The following CDH7 variants were observed in gnomAD, a reference collection of about 807,000 sequenced individuals.
CDH7 encodes the protein cadherin-7.
In CDH7, 25 loss-of-function variants were observed where a neutral mutation model predicts 71.8. The ratio of observed to expected loss-of-function variants is 0.35; its 90% CI spans 0.25 to 0.49. The LOEUF (loss-of-function observed/expected upper bound fraction) is 0.49. Among genes scored for constraint, CDH7 ranks in the 20% least tolerant of loss-of-function variants. The probability of loss-of-function intolerance (pLI) is 0.99; values close to 1 mark genes in which losing one functional copy is unlikely to be tolerated. For synonymous variants in CDH7, 381 were observed against 363.8 expected (o/e 1.05, Z -0.54); for missense variants, 862 against 974.6 (o/e 0.88, Z 1.54).
chr18:65,858,612 A>G (rs1044634380), intron 8 of CDH7, among the ~76,000 whole-genome samples: 11 of 152,038 alleles, frequency 7.2e-5, no homozygotes, highest in African/African-American at 2.7e-4. Flanking sequence ...ATACATTTAT[A>G]TATATGCATG....
chr18:65,772,810 A>G (rs1026996731), intron 2 of CDH7, among the ~76,000 whole-genome samples: 2 of 152,154 alleles, frequency 1.3e-5, no homozygotes, highest in Non-Finnish European at 2.9e-5. Context: ...TAGACTGATG[A>G]TGGAAAATAC....
In CDH7 at chr18:65,782,057, CCT is replaced by C. The variant is rs1568182291; in HGVS notation, c.210+19006_210+19007del. Among the ~76,000 whole-genome samples the C allele has an allele frequency of 3.6e-4, 19 of 52,264 alleles. 4 individuals are homozygous for C. Among genetic ancestry groups the C allele is most frequent in the Admixed American group, 5.6e-4 (3 of 5,328 alleles). 34.3% of individuals were successfully genotyped at this position (52,264 alleles called of 152,430 possible). On this transcript the variant is annotated intron_variant, in intron 2 of 11. Coordinates refer to ENST00000397968, the MANE Select transcript of CDH7 (RefSeq NM_004361.5). ...TCCTTCCTTCCTTCCTTCCTTCCTT[CCT>C]TCCTTTCTTTCTTTCTTTCTTTCCT... is the stretch of plus-strand genomic sequence containing the variant.
At chr18:65,841,210 T>C (rs1057191799) in intron 6 of CDH7, among the ~76,000 whole-genome samples, 3 of 152,188 alleles carry the variant, frequency 2.0e-5, no homozygotes, top group Non-Finnish European at 4.4e-5. Context: ...CATAATAGTG[T>C]GTTTTTTCAT....
At chr18:65,777,480 G>A (rs1484725) in intron 2 of CDH7, among the ~76,000 whole-genome samples, 54,173 of 151,464 alleles carry the variant, frequency 0.36, 10,208 homozygotes, top group Middle Eastern at 0.46. Context: ...CTCCAAACGC[G>A]AAGCAAATTT....
chr18:65,785,087 A>G (rs1568184176), intron 2 of CDH7, among the ~76,000 whole-genome samples: 2 of 152,168 alleles, frequency 1.3e-5, no homozygotes, highest in Non-Finnish European at 2.9e-5. Flanking sequence ...AAGTTTGGTT[A>G]ACTTATTGCG....
chr18:65,799,465 CAGG>C (rs1911036591), intron 2 of CDH7, among the ~76,000 whole-genome samples: 1 of 152,054 alleles, frequency 6.6e-6, no homozygotes, highest in Admixed American at 6.5e-5. Flanking sequence ...ATCACGAGGT[CAGG>C]AGATCGAGAC....
At position 65,778,529 on chromosome 18, in the gene CDH7, C is replaced by CTT. The variant is rs1156727313; in HGVS notation, c.210+15496_210+15497dup. On this transcript the variant is annotated intron_variant, in intron 2 of 11. Coordinates refer to ENST00000397968, the MANE Select transcript of CDH7 (RefSeq NM_004361.5). ...AATTTTTTGCCCCAGGCGTCTCACTCTTTTTTTTTTTTTTTTTTTTACATA... is the reference window on the plus strand; with the variant it reads ...AATTTTTTGCCCCAGGCGTCTCACTCTTTTTTTTTTTTTTTTTTTTTTACATA... Among the ~76,000 whole-genome samples the CTT allele has an allele frequency of 5.2e-3, 441 of 84,312 alleles. 13 individuals carry two copies. The highest frequency in any genetic ancestry group is 5.0e-3 in the Non-Finnish European group (210 of 42,324). 55.3% of individuals were successfully genotyped at this position (84,312 alleles called of 152,430 possible). A position where few individuals can be genotyped will look rare whatever the true frequency, so the allele number is the denominator to read the frequency against.
At chr18:65,790,337 A>G (rs143696861) in intron 2 of CDH7, among the ~76,000 whole-genome samples, 254 of 151,980 alleles carry the variant, frequency 1.7e-3, no homozygotes, top group African/African-American at 5.9e-3. Flanking sequence ...AATTGAACCT[A>G]GTTGATGGTG....
rs752759116 is a variant in CDH7 at position 65,814,578 on chromosome 18, C to G, written c.599C>G (p.Pro200Arg). Residue 200 changes from proline to arginine, a missense_variant, in exon 4 of 12, where the codon CCG becomes CGG. Coordinates refer to ENST00000397968, the MANE Select transcript of CDH7 (RefSeq NM_004361.5). ...RVVYSILQGQPYFSVEPKTGV... is the reference protein window; with the variant it reads ...RVVYSILQGQRYFSVEPKTGV... The stretch of plus-strand genomic sequence containing the variant: ...GTCTACAGTATTCTGCAAGGACAGC[C>G]GTACTTCTCAGTGGAGCCAAAGACA... 6.2e-7 allele frequency: 1 copy of G among 1,612,990 alleles called. No homozygotes were observed. Among genetic ancestry groups the G allele is most frequent in the East Asian group, 2.2e-5 (1 of 44,830 alleles).
chr18:65,823,778 C>T (rs1568204945), intron 5 of CDH7, among the ~76,000 whole-genome samples: 1 of 151,606 alleles, frequency 6.6e-6, no homozygotes, highest in Admixed American at 6.6e-5. Flanking sequence ...CTTATCCCTT[C>T]ACAAGACAGG....
At chr18:65,827,532 C>G (rs953978331) in intron 6 of CDH7, among the ~76,000 whole-genome samples, 1 of 151,812 alleles carries the variant, frequency 6.6e-6, no homozygotes, top group African/African-American at 2.4e-5. Flanking sequence ...ATGTTGAATG[C>G]TAACATGATT....
At chr18:65,809,622 T>A (rs886366107) in intron 2 of CDH7, 82 bp from the exon 3 acceptor site, 5 of 1,183,602 alleles carry the variant, frequency 4.2e-6, no homozygotes, top group South Asian at 1.4e-5. Flanking sequence ...TACTCCTGCC[T>A]GACATAAGAA....
chr18:65,765,058 G>A (rs891884587), intron 2 of CDH7, among the ~76,000 whole-genome samples: 3 of 152,004 alleles, frequency 2.0e-5, no homozygotes, highest in Non-Finnish European at 2.9e-5. Flanking sequence ...AATCAAAGAA[G>A]GTCACTTATA....
chr18:65,778,529 C>CTTTTTTTTTTTTTTTTTTTTTTTT (rs1156727313), intron 2 of CDH7, among the ~76,000 whole-genome samples: 12 of 84,318 alleles, frequency 1.4e-4, no homozygotes, highest in Non-Finnish European at 1.7e-4. Context: ...GCGTCTCACT[C>CTTTTTTTTTTTTTTTTTTTTTTTT]TTTTTTTTTT....
chr18:65,846,412 AATAG>A (rs1468822384), intron 7 of CDH7, among the ~76,000 whole-genome samples: 2 of 152,198 alleles, frequency 1.3e-5, no homozygotes, highest in Non-Finnish European at 1.5e-5. Context: ...CAAATAGAGA[AATAG>A]ATAGACTTTG....
At chr18:65,805,488 A>G (rs975324482) in intron 2 of CDH7, among the ~76,000 whole-genome samples, 16 of 152,230 alleles carry the variant, frequency 1.1e-4, no homozygotes, top group African/African-American at 3.9e-4. Context: ...AAGCAATTAA[A>G]TATATTTGGT....
Position 65,881,111 on chromosome 18 carries a change from ACT to A in CDH7, c.*220_*221del, listed in dbSNP as rs1914218099. The A allele has an allele frequency of 1.2e-5, 5 of 430,642 alleles. No individual in the cohort carries two copies. The highest frequency in any genetic ancestry group is 7.3e-5 in the East Asian group (2 of 27,384). 26.7% of individuals were successfully genotyped at this position (430,642 alleles called of 1,614,324 possible). On this transcript the variant is annotated 3_prime_UTR_variant, in exon 12 of 12. Transcript: ENST00000397968. Reference sequence around the variant, plus strand: ...ATCTAAAGGACTGCACTGACCACAGACTCTGAGCATTTGAAGGTTTTTTGATA... The same window carrying A: ...ATCTAAAGGACTGCACTGACCACAGACTGAGCATTTGAAGGTTTTTTGATA...
rs138231924 is a variant in CDH7 at position 65,823,225 on chromosome 18, T to C, written c.793+977T>C. On this transcript the variant is annotated intron_variant, in intron 5 of 11. Transcript: ENST00000397968. The stretch of plus-strand genomic sequence containing the variant: ...ATTTATATTATTATACAAGAAATGG[T>C]ATCTCCTGGTAATATAAAAAAGTGA... Among the ~76,000 whole-genome samples, 380 of 152,058 alleles carry C rather than the reference T, an allele frequency of 2.5e-3. 3 individuals carry two copies. The highest frequency in any genetic ancestry group is 8.7e-3 in the African/African-American group (361 of 41,528).
At position 65,812,311 on chromosome 18, in the gene CDH7, A is replaced by G. The variant is rs1911573539; in HGVS notation, c.506-2174A>G. ...TTTAAGTTATATACTTGGCTGATTC[A>G]AATGGGTTTGGAATTTTCTTAGAGA... On this transcript the variant is annotated intron_variant, in intron 3 of 11. Transcript: ENST00000397968. Among the ~76,000 whole-genome samples the G allele has an allele frequency of 3.3e-5, 5 of 152,132 alleles. No homozygotes were observed. In the South Asian group the frequency reaches 1.0e-3, roughly 32 times the overall value.
Sources: allele counts gnomAD v4.1 joint callset (sites outside exome capture counted in the v4.1 genomes callset), GRCh38; gene constraint gnomAD v4.1.1; transcripts MANE v1.5; gene names NCBI Gene and HGNC (gene_info 2026-07-23, HGNC 2026-07-21).